The following OSGEPL1 variants were observed in gnomAD, a reference collection of about 807,000 sequenced individuals.
The protein encoded by OSGEPL1 is O-sialoglycoprotein endopeptidase like 1, also known as tRNA N6-adenosine threonylcarbamoyltransferase, mitochondrial.
In OSGEPL1, 26 loss-of-function variants were observed where a neutral mutation model predicts 37.2. The observed-to-expected ratio is 0.70, with a 90% CI of 0.51 to 0.97. The LOEUF (loss-of-function observed/expected upper bound fraction) is 0.97, where lower values mean the gene tolerates loss of function less well. Ranked by LOEUF, OSGEPL1 falls within the 50% of genes least tolerant of loss-of-function variation. The pLI, the probability that OSGEPL1 is intolerant of heterozygous loss-of-function variation, is 0.00. For missense variants in OSGEPL1, 404 were observed against 487.0 expected, an observed-to-expected ratio of 0.83 and a Z score of 1.60; for synonymous variants, 140 against 159.9, an observed-to-expected ratio of 0.88 and a Z score of 0.94.
intron 2 of OSGEPL1, 38 bp downstream of exon 2, chr2:189,761,382 C>T: frequency 6.4e-7 from 1 of 1,555,056 alleles, no homozygotes; most frequent in Non-Finnish European, 8.6e-7. Context: ...TTTACTTTTT[C>T]CAAAAAAGTG....
upstream of OSGEPL1, chr2:189,763,160 G>A (rs1024376416): frequency 3.1e-5 from 31 of 985,038 alleles, no homozygotes; most frequent in East Asian, 2.3e-4. Context: ...TTAGGGGTGA[G>A]GTACCTGATA....
intron 8 of OSGEPL1, among the ~76,000 whole-genome samples, chr2:189,749,154 G>C (rs2044654761): frequency 6.7e-6 from 1 of 148,648 alleles, no homozygotes; most frequent in Non-Finnish European, 1.5e-5. Flanking sequence ...GCTGAGACAG[G>C]AGAATTGCTT....
intron 5 of OSGEPL1, 111 bp downstream of exon 5, chr2:189,753,805 G>A (rs547512302): frequency 8.7e-7 from 1 of 1,149,198 alleles, no homozygotes; most frequent in African/African-American, 1.5e-5. Context: ...TACTGTCAGG[G>A]CTAGCATAAG....
chr2:189,762,962 T>C, upstream of OSGEPL1: 1 of 985,362 alleles, frequency 1.0e-6, no homozygotes, highest in Non-Finnish European at 1.2e-6. Context: ...ATTACACAGC[T>C]AGTGACTGAT....
At position 189,749,470 on chromosome 2, in the gene OSGEPL1, T is replaced by C. The variant is rs181265481; in HGVS notation, c.*28+1080A>G. Among the ~76,000 whole-genome samples, 264 of 151,862 alleles carry C rather than the reference T, an allele frequency of 1.7e-3. 2 individuals are homozygous for C. The highest frequency in any genetic ancestry group is 6.1e-3 in the African/African-American group (251 of 41,462). ...GATATAGAGGGTTACATTCAAAGAA[T>C]TGTACATTTAGTTACTTTAATCAAG... On this transcript the variant is annotated intron_variant, in intron 8 of 8. Coordinates refer to ENST00000264151, the MANE Select transcript of OSGEPL1 (RefSeq NM_022353.3).
chr2:189,757,054 CAAAG>C (rs1293448914), intron 2 of OSGEPL1, among the ~76,000 whole-genome samples: 1 of 152,072 alleles, frequency 6.6e-6, no homozygotes, highest in African/African-American at 2.4e-5. Flanking sequence ...GCTTTATTCT[CAAAG>C]AATTAATAAT....
At chr2:189,759,760 TTTA>T (rs869046342) in intron 2 of OSGEPL1, among the ~76,000 whole-genome samples, 1 of 152,034 alleles carries the variant, frequency 6.6e-6, no homozygotes, top group Non-Finnish European at 1.5e-5. Flanking sequence ...TATTTATTTA[TTTA>T]TTTTTTTAGT....
intron 2 of OSGEPL1, among the ~76,000 whole-genome samples, chr2:189,759,275 C>A (rs1373100572): frequency 6.6e-6 from 1 of 150,570 alleles, no homozygotes; most frequent in Non-Finnish European, 1.5e-5. Flanking sequence ...TTGAGACAGA[C>A]TCTCACTCTG....
At chr2:189,754,628 G>A (rs953642776) in intron 3 of OSGEPL1, 5 of 369,414 alleles carry the variant, frequency 1.4e-5, no homozygotes, top group African/African-American at 1.1e-4. Flanking sequence ...GCTTAATGAT[G>A]AACGTCAATA....
Position 189,754,083 on chromosome 2 carries a change from A to AT in OSGEPL1, c.815-20dup, listed in dbSNP as rs1559166529. The AT allele has an allele frequency of 6.2e-7, 1 of 1,612,002 alleles. No individual in the cohort carries two copies. The highest frequency in any genetic ancestry group is 8.5e-7 in the Non-Finnish European group (1 of 1,178,746). ...TCAATACCTGCAGAAATGAGCAGCT[A>AT]TTTTTAGGCACAATCCAGGAATATT... is the stretch of plus-strand genomic sequence containing the variant. On this transcript the variant is annotated intron_variant, in intron 4 of 8. Transcript: ENST00000264151.
At chr2:189,748,662 G>A (rs948915328) in intron 8 of OSGEPL1, among the ~76,000 whole-genome samples, 37 of 152,170 alleles carry the variant, frequency 2.4e-4, no homozygotes, top group African/African-American at 8.4e-4. Flanking sequence ...ATACTAGAAA[G>A]GGATACATAT....
At chr2:189,753,831 C>T in intron 5 of OSGEPL1, 85 bp downstream of exon 5, 3 of 1,400,370 alleles carry the variant, frequency 2.1e-6, no homozygotes, top group South Asian at 2.6e-5. Context: ...AAGATCTGTT[C>T]ATCCTAAACA....
At chr2:189,760,880 CA>C (rs2046950741) in intron 2 of OSGEPL1, among the ~76,000 whole-genome samples, 1 of 152,156 alleles carries the variant, frequency 6.6e-6, no homozygotes, top group Non-Finnish European at 1.5e-5. Flanking sequence ...TCCCACATGA[CA>C]ACTGGCTAGA....
rs2106013646 is a variant in OSGEPL1, at chr2:189,755,259, A to G, written c.523T>C (p.Cys175Arg). The G allele has an allele frequency of 6.2e-7, 1 of 1,613,640 alleles. No homozygotes were observed. Among genetic ancestry groups the G allele is most frequent in the East Asian group, 2.2e-5 (1 of 44,880 alleles). Residue 175 changes from cysteine (C) to arginine (R), a missense_variant, in exon 3 of 9, where the codon TGT becomes CGT. Physicochemically the swap from Cys to Arg is radical, Grantham distance 180. Coordinates refer to ENST00000264151, the MANE Select transcript of OSGEPL1 (RefSeq NM_022353.3). ...FLVLLISGGH[C>R]LLALVQGVSD... Reference sequence around the variant, plus strand: ...ACTCCTTGAACTAATGCCAACAGACAGTGACCTCCAGAAATCAAAAGAACT... The same window carrying G: ...ACTCCTTGAACTAATGCCAACAGACGGTGACCTCCAGAAATCAAAAGAACT...
At chr2:189,761,210 T>G (rs184507343) in intron 2 of OSGEPL1, 293 of 388,004 alleles carry the variant, frequency 7.6e-4, no homozygotes, top group African/African-American at 5.5e-3. Flanking sequence ...CAGTTTCTTT[T>G]GGCAACAGGA....
At chr2:189,758,201 G>A (rs1308066067) in intron 2 of OSGEPL1, among the ~76,000 whole-genome samples, 4 of 152,120 alleles carry the variant, frequency 2.6e-5, no homozygotes, top group Non-Finnish European at 5.9e-5. Flanking sequence ...GACCAACATG[G>A]AGAAACCCCA....
At position 189,755,348 on chromosome 2, in the gene OSGEPL1, A is replaced by G. The variant is rs776672168; in HGVS notation, c.434T>C (p.Ile145Thr). 5 of 1,613,406 alleles carry G rather than the reference A, an allele frequency of 3.1e-6. No individual in the cohort carries two copies. The African/African-American group carries it at 6.7e-5, about 22-fold the overall frequency. Reference protein sequence around the residue: ...VGQLKKPFIPIHHMEAHALTI... With the variant: ...VGQLKKPFIPTHHMEAHALTI... ...AAGTGCATGAGCCTCCATATGATGA[A>G]TGGGAATGAATGGCTTTTTTAACTG... The change falls in exon 3 of 9, where the codon ATT (isoleucine) becomes ACT (threonine). Residue 145 changes from isoleucine (I) to threonine (T), a missense_variant. Coordinates refer to ENST00000264151, the MANE Select transcript of OSGEPL1 (RefSeq NM_022353.3).
Position 189,755,207 on chromosome 2 carries a change from G to C in OSGEPL1, c.575C>G (p.Ser192Cys), listed in dbSNP as rs1472939869. The stretch of plus-strand genomic sequence containing the variant: ...CATGTCACCTGGTGCTATGTCCAAA[G>C]ACTTTCCAAGAAGCAGAAAATCTGA... ...GVSDFLLLGK[S>C]LDIAPGDMLD... The change falls in exon 3 of 9, where the codon TCT (serine) becomes TGT (cysteine). Residue 192 changes from serine (S) to cysteine (C), a missense_variant. By Grantham distance (112) the Ser-to-Cys change is moderately radical. Transcript: ENST00000264151. 5 of 1,611,752 alleles carry C rather than the reference G, an allele frequency of 3.1e-6. No homozygotes were observed. Among genetic ancestry groups the C allele is most frequent in the Non-Finnish European group, 4.2e-6 (5 of 1,179,352 alleles).
rs1462638909 is a variant in OSGEPL1 at position 189,758,449 on chromosome 2, G to A, written c.222-2889C>T. Among the ~76,000 whole-genome samples the A allele has an allele frequency of 2.6e-5, 4 of 151,930 alleles. No individual in the cohort carries two copies. In the East Asian group the frequency reaches 7.7e-4, roughly 29 times the overall value. Reference sequence around the variant, plus strand: ...CGGTCCTGCTCCTGCCATGTAAGACGCCTACTCCCAATTTGCCTTCCGCCA... The same window carrying A: ...CGGTCCTGCTCCTGCCATGTAAGACACCTACTCCCAATTTGCCTTCCGCCA... On this transcript the variant is annotated intron_variant, in intron 2 of 8. Transcript: ENST00000264151.
Sources: allele counts gnomAD v4.1 joint callset (sites outside exome capture counted in the v4.1 genomes callset), GRCh38; gene constraint gnomAD v4.1.1; transcripts MANE v1.5; gene names NCBI Gene and HGNC (gene_info 2026-07-23, HGNC 2026-07-21).